The following XKR4 variants were observed in gnomAD, a reference collection of about 807,000 sequenced individuals.
The protein encoded by XKR4 is XK related 4.
Under a neutral mutation model 53.9 loss-of-function variants are expected in XKR4, and 12 were observed. The observed-to-expected ratio is 0.22, with a 90% CI of 0.14 to 0.36. The LOEUF is 0.36. XKR4 is among the 10% of genes least tolerant of loss of function. The probability of loss-of-function intolerance (pLI) is 1.00; values close to 1 mark genes in which losing one functional copy is unlikely to be tolerated. For synonymous variants in XKR4, 354 were observed against 362.4 expected, an observed-to-expected ratio of 0.98 and a Z score of 0.26; for missense variants, 799 against 859.5, an observed-to-expected ratio of 0.93 and a Z score of 0.88.
intron 1 of XKR4, among the ~76,000 whole-genome samples, chr8:55,306,949 AAAG>A (rs1300199209): frequency 7.2e-5 from 11 of 152,092 alleles, no homozygotes; most frequent in Admixed American, 2.0e-4. Flanking sequence ...AAAAAAAAAA[AAAG>A]AGCCTCAACC....
At chr8:55,212,171 G>C (rs1388620013) in intron 1 of XKR4, among the ~76,000 whole-genome samples, 1 of 151,556 alleles carries the variant, frequency 6.6e-6, no homozygotes, top group African/African-American at 2.4e-5. Flanking sequence ...TTATTATGCA[G>C]ATGAAGCCTC....
intron 1 of XKR4, among the ~76,000 whole-genome samples, chr8:55,216,700 C>A (rs1817803828): frequency 6.9e-6 from 1 of 144,342 alleles, no homozygotes; most frequent in Non-Finnish European, 1.5e-5. Context: ...GCACTCCAGC[C>A]TGGGTGATAA....
chr8:55,287,363 A>G (rs929845512), intron 1 of XKR4, among the ~76,000 whole-genome samples: 1 of 152,208 alleles, frequency 6.6e-6, no homozygotes, highest in African/African-American at 2.4e-5. Context: ...AATCAATTTA[A>G]ATCTAAGCAC....
At chr8:55,414,018 G>A (rs1804810559) in intron 2 of XKR4, among the ~76,000 whole-genome samples, 1 of 152,072 alleles carries the variant, frequency 6.6e-6, no homozygotes. Flanking sequence ...ATAGAGATTT[G>A]CATTAATTTA....
At chr8:55,183,494 A>G (rs886507220) in intron 1 of XKR4, among the ~76,000 whole-genome samples, 2 of 151,992 alleles carry the variant, frequency 1.3e-5, no homozygotes, top group Middle Eastern at 3.2e-3. Context: ...TCATTGATCC[A>G]TGGGTTATTT....
Position 55,530,069 on chromosome 8 carries a change from C to T in XKR4, c.*5842C>T, listed in dbSNP as rs1407625356. On this transcript the variant is annotated 3_prime_UTR_variant, in exon 3 of 3. Coordinates refer to ENST00000327381, the MANE Select transcript of XKR4 (RefSeq NM_052898.2). Reference sequence around the variant, plus strand: ...AGCAGACTGAAAAAAAACTAAACCCCATTACTTACTTTGGCATTTTGACAA... The same window carrying T: ...AGCAGACTGAAAAAAAACTAAACCCTATTACTTACTTTGGCATTTTGACAA... The T allele has an allele frequency of 6.6e-6, 1 of 150,640 alleles. No homozygotes were observed. Among genetic ancestry groups the T allele is most frequent in the Admixed American group, 6.6e-5 (1 of 15,080 alleles). 9.3% of individuals were successfully genotyped at this position (150,640 alleles called of 1,614,324 possible).
At chr8:55,287,834 A>C (rs1055157216) in intron 1 of XKR4, among the ~76,000 whole-genome samples, 1 of 152,220 alleles carries the variant, frequency 6.6e-6, no homozygotes, top group African/African-American at 2.4e-5. Context: ...TCTGCAAGCA[A>C]AAATTTTAAA....
intron 1 of XKR4, among the ~76,000 whole-genome samples, chr8:55,228,815 G>A (rs974093598): frequency 1.1e-4 from 17 of 149,644 alleles, no homozygotes; most frequent in Admixed American, 1.3e-4. Context: ...TTAAATATGT[G>A]TTGAAATGTA....
At chr8:55,268,396 G>A (rs1385957516) in intron 1 of XKR4, among the ~76,000 whole-genome samples, 1 of 152,150 alleles carries the variant, frequency 6.6e-6, no homozygotes, top group Non-Finnish European at 1.5e-5. Context: ...AAGGTAAAAT[G>A]TTGAAGAGAT....
At chr8:55,162,928 A>T (rs1051998292) in intron 1 of XKR4, among the ~76,000 whole-genome samples, 9 of 152,214 alleles carry the variant, frequency 5.9e-5, no homozygotes, top group African/African-American at 2.2e-4. Context: ...GCATAATTTT[A>T]AAAATATAAT....
rs1439782935 is a variant in XKR4 at position 55,102,060 on chromosome 8, A to AGGAAGCGGGAGGAGG, written c.-427_-413dup. On this transcript the variant is annotated 5_prime_UTR_variant, in exon 1 of 3. Transcript: ENST00000327381. The surrounding 1 kb of genome is among the most constrained non-coding windows in gnomAD (Gnocchi z 5.1). ...CCCTCGGAGTCAGCTGGTGGAGGAG[A>AGGAAGCGGGAGGAGG]GGAAGCGGGAGGAGGGAGCGCGCGC... Among the ~76,000 whole-genome samples the AGGAAGCGGGAGGAGG allele has an allele frequency of 2.0e-5, 3 of 151,856 alleles. No individual in the cohort carries two copies. Among genetic ancestry groups the AGGAAGCGGGAGGAGG allele is most frequent in the Non-Finnish European group, 4.4e-5 (3 of 67,916 alleles).
rs1405770681 is a variant in XKR4, at chr8:55,453,224, G to C, written c.1007-70057G>C. ...ACCCCTTGGCTCCGCTTCCAGGAAG[G>C]CTGTGACCAGAGGCAGCAGAGCAGC... On this transcript the variant is annotated intron_variant, in intron 2 of 2. Coordinates refer to ENST00000327381, the MANE Select transcript of XKR4 (RefSeq NM_052898.2). 1.2e-5 allele frequency: 6 copies of C among 491,772 alleles called. No individual in the cohort carries two copies. In the East Asian group the frequency reaches 3.0e-4, roughly 25 times the overall value. The allele number at this position is 491,772 out of a possible 1,614,324, so 30.5% of individuals were successfully genotyped here.
At chr8:55,481,472 G>C (rs1282252942) in intron 2 of XKR4, among the ~76,000 whole-genome samples, 1 of 152,068 alleles carries the variant, frequency 6.6e-6, no homozygotes, top group Non-Finnish European at 1.5e-5. Context: ...ATACCATTCA[G>C]GACATAGGCA....
chr8:55,233,024 T>C (rs1311432035), intron 1 of XKR4, among the ~76,000 whole-genome samples: 7 of 152,198 alleles, frequency 4.6e-5, no homozygotes, highest in Non-Finnish European at 1.0e-4. Context: ...GGATGGTGTA[T>C]CTGCGTGGGA....
chr8:55,289,678 AG>A (rs1176705651), intron 1 of XKR4, among the ~76,000 whole-genome samples: 11 of 15,224 alleles, frequency 7.2e-4, no homozygotes, highest in Admixed American at 1.7e-3. Context: ...GAAAAGAAAG[AG>A]AAAGAAAGAA....
At chr8:55,439,509 C>A (rs1267818854) in intron 2 of XKR4, among the ~76,000 whole-genome samples, 1 of 152,002 alleles carries the variant, frequency 6.6e-6, no homozygotes, top group Admixed American at 6.6e-5. Flanking sequence ...AAGCATGGTG[C>A]AAGAATAAGA....
intron 1 of XKR4, among the ~76,000 whole-genome samples, chr8:55,288,395 T>C (rs1818936541): frequency 6.6e-6 from 1 of 152,258 alleles, no homozygotes; most frequent in African/African-American, 2.4e-5. Context: ...ATTCATTTAA[T>C]TCACTTAAGA....
At chr8:55,425,981 C>T (rs529650717) in intron 2 of XKR4, among the ~76,000 whole-genome samples, 1 of 152,328 alleles carries the variant, frequency 6.6e-6, no homozygotes, top group Non-Finnish European at 1.5e-5. Flanking sequence ...TCCCTCTCTA[C>T]CCCATCTTCA....
chr8:55,388,003 G>A (rs1362325229), intron 2 of XKR4, among the ~76,000 whole-genome samples: 2 of 152,200 alleles, frequency 1.3e-5, no homozygotes, highest in African/African-American at 2.4e-5. Context: ...ACTACTTGGT[G>A]TTGTAAGTTA....
Sources: allele counts gnomAD v4.1 joint callset (sites outside exome capture counted in the v4.1 genomes callset), GRCh38; gene constraint gnomAD v4.1.1; non-coding constraint Gnocchi (gnomAD v3.1); transcripts MANE v1.5; gene names NCBI Gene and HGNC (gene_info 2026-07-23, HGNC 2026-07-21).